The following UNC5D variants were observed in gnomAD, a reference collection of about 807,000 sequenced individuals.
UNC5D encodes unc-5 netrin receptor D, also known as netrin receptor UNC5D.
In UNC5D, 39 loss-of-function variants were observed where a neutral mutation model predicts 105.4. The observed-to-expected ratio is 0.37, with a 90% confidence interval of 0.29 to 0.48. The LOEUF (loss-of-function observed/expected upper bound fraction) is 0.48. Among genes scored for constraint, UNC5D ranks in the 20% least tolerant of loss-of-function variants. The pLI is 0.98. For missense variants in UNC5D, 991 were observed against 1,202.4 expected, an observed-to-expected ratio of 0.82 and a Z score of 2.60; for synonymous variants, 452 against 450.4, an observed-to-expected ratio of 1.00 and a Z score of -0.04.
At chr8:35,386,919 G>C (rs1292971781) in intron 1 of UNC5D, among the ~76,000 whole-genome samples, 2 of 151,918 alleles carry the variant, frequency 1.3e-5, no homozygotes, top group Non-Finnish European at 2.9e-5. Context: ...GTGGTGATGA[G>C]GGGGAGTTAA....
intron 4 of UNC5D, among the ~76,000 whole-genome samples, chr8:35,605,637 C>A (rs911654151): frequency 6.6e-6 from 1 of 152,208 alleles, no homozygotes; most frequent in Non-Finnish European, 1.5e-5. Context: ...GCCCTGCCCC[C>A]AGAGGTGGAG....
intron 1 of UNC5D, among the ~76,000 whole-genome samples, chr8:35,493,281 C>CAAAAAAA (rs35199794): frequency 4.3e-4 from 29 of 67,070 alleles, no homozygotes; most frequent in East Asian, 1.0e-3. Context: ...AGTCTGTGAC[C>CAAAAAAA]AAAAAAAAAA....
rs1442267881 is a variant in UNC5D, at chr8:35,731,217, G to A, written c.1766+121G>A. ...AGTTCGAGACCAGCCTGGCCAACAT[G>A]GCGAAAGCCTGTCTCTACTAAAAAT... On this transcript the variant is annotated intron_variant, in intron 11 of 16. Transcript: ENST00000404895. 4 of 861,354 alleles carry A rather than the reference G, an allele frequency of 4.6e-6. No individual in the cohort carries two copies. The African/African-American group carries it at 5.1e-5, about 11-fold the overall frequency. 53.4% of individuals were successfully genotyped at this position (861,354 alleles called of 1,614,324 possible). A position where few individuals can be genotyped will look rare whatever the true frequency, so the allele number is the denominator to read the frequency against.
intron 1 of UNC5D, among the ~76,000 whole-genome samples, chr8:35,404,496 TAGG>T (rs1804675459): frequency 6.6e-6 from 1 of 152,216 alleles, no homozygotes; most frequent in African/African-American, 2.4e-5. Context: ...TGATGTCATC[TAGG>T]AGATTATTAG....
chr8:35,736,092 A>T (rs1428548936), intron 11 of UNC5D, among the ~76,000 whole-genome samples: 3 of 152,098 alleles, frequency 2.0e-5, no homozygotes, highest in Non-Finnish European at 4.4e-5. Flanking sequence ...TTTTCCTGGC[A>T]CCTTTGAGGG....
chr8:35,415,542 T>A (rs903866568), intron 1 of UNC5D, among the ~76,000 whole-genome samples: 3 of 152,126 alleles, frequency 2.0e-5, no homozygotes, highest in African/African-American at 7.2e-5. Flanking sequence ...GTTTCTTGAA[T>A]CGTCTCCCCC....
chr8:35,270,477 T>G (rs1407914084), intron 1 of UNC5D, among the ~76,000 whole-genome samples: 1 of 152,206 alleles, frequency 6.6e-6, no homozygotes, highest in Non-Finnish European at 1.5e-5. Context: ...TTATATTGAG[T>G]TAATTTTTAA....
chr8:35,682,017 T>G (rs963045416), intron 4 of UNC5D, among the ~76,000 whole-genome samples: 2 of 151,990 alleles, frequency 1.3e-5, no homozygotes, highest in Non-Finnish European at 2.9e-5. Flanking sequence ...CAGGCTGGAG[T>G]GCAGTGGCGC....
intron 1 of UNC5D, among the ~76,000 whole-genome samples, chr8:35,431,087 A>G (rs1452562805): frequency 2.6e-5 from 4 of 152,238 alleles, no homozygotes; most frequent in African/African-American, 9.6e-5. Flanking sequence ...GTAAATAATT[A>G]TATGTTAACC....
intron 1 of UNC5D, among the ~76,000 whole-genome samples, chr8:35,328,569 CAT>C (rs1332831442): frequency 6.6e-6 from 1 of 152,180 alleles, no homozygotes; most frequent in Admixed American, 6.5e-5. Context: ...GTGCTTCAAA[CAT>C]GTGTCTGTGG....
chr8:35,728,864 T>C (rs535236269), intron 10 of UNC5D, among the ~76,000 whole-genome samples: 13 of 152,326 alleles, frequency 8.5e-5, no homozygotes, highest in Admixed American at 2.0e-4. Context: ...TGGGGTATTA[T>C]ATTTTTCTTT....
intron 11 of UNC5D, among the ~76,000 whole-genome samples, chr8:35,738,147 C>T (rs573919998): frequency 1.3e-5 from 2 of 152,204 alleles, no homozygotes; most frequent in East Asian, 3.9e-4. Context: ...AATGACATAG[C>T]ATGGTAGAGT....
At chr8:35,383,942 C>T (rs865820537) in intron 1 of UNC5D, among the ~76,000 whole-genome samples, 30 of 151,926 alleles carry the variant, frequency 2.0e-4, no homozygotes, top group Admixed American at 1.6e-3. Context: ...AGAGGCTGGG[C>T]GCGGTGGCTC....
At chr8:35,686,441 T>C in intron 6 of UNC5D, 104 bp from the exon 7 acceptor site, 2 of 1,260,876 alleles carry the variant, frequency 1.6e-6, no homozygotes, top group Non-Finnish European at 1.1e-6. Flanking sequence ...GTTTGGTGGT[T>C]ATTTCCTTAA....
intron 1 of UNC5D, among the ~76,000 whole-genome samples, chr8:35,367,599 A>G (rs1057053024): frequency 2.6e-5 from 4 of 152,202 alleles, no homozygotes; most frequent in African/African-American, 9.6e-5. Context: ...TAAACCCTCA[A>G]ATACTTCACT....
intron 1 of UNC5D, among the ~76,000 whole-genome samples, chr8:35,381,422 G>T (rs1174284832): frequency 1.3e-5 from 2 of 152,142 alleles, no homozygotes; most frequent in Non-Finnish European, 2.9e-5. Context: ...TGTGTTAACA[G>T]ATCCCTTCCA....
At chr8:35,295,967 C>A (rs1807452919) in intron 1 of UNC5D, among the ~76,000 whole-genome samples, 1 of 152,144 alleles carries the variant, frequency 6.6e-6, no homozygotes, top group African/African-American at 2.4e-5. Flanking sequence ...GCATAATTCC[C>A]TGCAGGTTCA....
chr8:35,271,353 G>GTATA (rs1563267215), intron 1 of UNC5D, among the ~76,000 whole-genome samples: 11 of 101,716 alleles, frequency 1.1e-4, no homozygotes, highest in East Asian at 3.3e-4. Flanking sequence ...GTATGTATAT[G>GTATA]CATACACACG....
rs2130686421 is a variant in UNC5D, at chr8:35,549,381, A to G, written c.193A>G (p.Ile65Val). ...HFIEEPDDAY[I>V]IKSNPIALRC... ...CATAGAGGAGCCAGATGATGCTTATATTATCAAGAGCAACCCTATTGCACT... is the reference window on the plus strand; with the variant it reads ...CATAGAGGAGCCAGATGATGCTTATGTTATCAAGAGCAACCCTATTGCACT... The change falls in exon 2 of 17, where the codon ATT becomes GTT. Residue 65 changes from isoleucine (I) to valine (V), a missense_variant. By Grantham distance (29) the Ile-to-Val change is conservative. Coordinates refer to ENST00000404895, the MANE Select transcript of UNC5D (RefSeq NM_080872.4). The G allele has an allele frequency of 6.2e-7, 1 of 1,613,606 alleles. No individual in the cohort carries two copies. Among genetic ancestry groups the G allele is most frequent in the African/African-American group, 1.3e-5 (1 of 75,056 alleles).
Sources: gnomAD v4.1 joint callset for allele counts (sites outside exome capture counted in the v4.1 genomes callset) on GRCh38, gnomAD v4.1.1 for gene constraint, MANE v1.5 for transcripts, NCBI Gene and HGNC (gene_info 2026-07-23, HGNC 2026-07-21) for gene names.